PLEKHH2: variants seen among roughly 807,000 people sequenced by gnomAD.
The protein encoded by PLEKHH2 is pleckstrin homology domain-containing family H member 2.
In PLEKHH2, 129 loss-of-function variants were observed where a neutral mutation model predicts 187.9. That is an observed-to-expected ratio of 0.69 (90% confidence interval 0.59 to 0.79). The LOEUF (loss-of-function observed/expected upper bound fraction) is 0.79, where lower values mean the gene tolerates loss of function less well. PLEKHH2 is among the 30% of genes least tolerant of loss of function. The pLI is 0.00. For synonymous variants in PLEKHH2, 686 were observed against 605.6 expected (o/e 1.13, Z -1.95); for missense variants, 2,076 against 1,751.2 (o/e 1.19, Z -3.31).
At chr2:43,733,338 G>C (rs957179469) in intron 19 of PLEKHH2, among the ~76,000 whole-genome samples, 9 of 147,074 alleles carry the variant, frequency 6.1e-5, no homozygotes, top group Admixed American at 2.7e-4. Context: ...ACTCCATCCT[G>C]GGCAACAGAG....
intron 28 of PLEKHH2, among the ~76,000 whole-genome samples, chr2:43,763,033 A>G (rs1173300976): frequency 4.6e-5 from 7 of 152,194 alleles, no homozygotes; most frequent in Non-Finnish European, 1.0e-4. Context: ...AATTTTCTGG[A>G]AACCAAACTA....
At chr2:43,731,706 C>G in intron 19 of PLEKHH2, 104 bp downstream of exon 19, 1 of 720,782 alleles carries the variant, frequency 1.4e-6, no homozygotes, top group Non-Finnish European at 2.2e-6. Flanking sequence ...CAAAATTTTA[C>G]TCCAAGAAAA....
At chr2:43,722,003 G>A (rs528679480) in intron 16 of PLEKHH2, among the ~76,000 whole-genome samples, 2 of 151,952 alleles carry the variant, frequency 1.3e-5, no homozygotes, top group South Asian at 4.2e-4. Context: ...TAACTCATCA[G>A]TCAGGAAAAC....
chr2:43,752,230 C>T (rs1672038711), intron 24 of PLEKHH2, among the ~76,000 whole-genome samples: 1 of 152,154 alleles, frequency 6.6e-6, no homozygotes, highest in African/African-American at 2.4e-5. Context: ...TTTCATACGG[C>T]TTTGCTGATA....
chr2:43,747,581 C>T (rs1173774741), intron 24 of PLEKHH2, among the ~76,000 whole-genome samples: 1 of 152,188 alleles, frequency 6.6e-6, no homozygotes, highest in Non-Finnish European at 1.5e-5. Context: ...TAGTCAGGAA[C>T]CAGATTTCCT....
chr2:43,697,458 G>T, intron 7 of PLEKHH2, 102 bp downstream of exon 7: 1 of 970,518 alleles, frequency 1.0e-6, no homozygotes, highest in South Asian at 2.2e-5. Context: ...ATTTTTTTCT[G>T]ACAATTTGAT....
intron 2 of PLEKHH2, among the ~76,000 whole-genome samples, chr2:43,654,710 C>T (rs1026422614): frequency 1.1e-4 from 15 of 131,892 alleles, no homozygotes; most frequent in African/African-American, 3.1e-4. Flanking sequence ...AGACACCCCC[C>T]CCCCCCGCAT....
At chr2:43,719,456 T>G (rs538561247) in intron 15 of PLEKHH2, among the ~76,000 whole-genome samples, 87 of 152,328 alleles carry the variant, frequency 5.7e-4, no homozygotes, top group Middle Eastern at 6.8e-3. Context: ...CTTTTTTGTT[T>G]TTGAGACGGA....
intron 9 of PLEKHH2, among the ~76,000 whole-genome samples, chr2:43,705,098 C>T (rs930498721): frequency 6.6e-6 from 1 of 152,012 alleles, no homozygotes; most frequent in Non-Finnish European, 1.5e-5. Flanking sequence ...TAAAACCAAA[C>T]AACAAGAACT....
chr2:43,729,845 T>A (rs972537820), intron 18 of PLEKHH2, 100 bp downstream of exon 18: 48 of 683,062 alleles, frequency 7.0e-5, no homozygotes, highest in African/African-American at 5.2e-4. Flanking sequence ...CCTGTTTCCC[T>A]GAAATATACC....
At chr2:43,710,418 A>G (rs1397762621) in intron 13 of PLEKHH2, 71 bp from the exon 14 acceptor site, 16 of 1,586,968 alleles carry the variant, frequency 1.0e-5, no homozygotes, top group Non-Finnish European at 1.4e-5. Flanking sequence ...AATGCAAGTA[A>G]TGATACAAAG....
intron 1 of PLEKHH2, among the ~76,000 whole-genome samples, chr2:43,641,046 G>A (rs2104315457): frequency 6.6e-6 from 1 of 151,124 alleles, no homozygotes; most frequent in Non-Finnish European, 1.5e-5. Flanking sequence ...AACCGCCTCG[G>A]CCTCCCAGAG....
In PLEKHH2 at chr2:43,691,462, T is replaced by C. The variant is rs376580675; in HGVS notation, c.187-1052T>C. ...GGGCATGATAGTTTAGAAAACCAAT[T>C]AGGAAAGGGTAGGTATATGTAAAAT... On this transcript the variant is annotated intron_variant, in intron 3 of 29. Transcript: ENST00000282406. 2.0e-4 allele frequency among the ~76,000 whole-genome samples: 30 copies of C among 152,118 alleles called. No homozygotes were observed. In the South Asian group the frequency reaches 5.8e-3, roughly 30 times the overall value.
At chr2:43,751,969 A>G (rs1357471560) in intron 24 of PLEKHH2, among the ~76,000 whole-genome samples, 1 of 143,386 alleles carries the variant, frequency 7.0e-6, no homozygotes, top group African/African-American at 2.7e-5. Context: ...TTCCCCTGTC[A>G]GGCTCAATTG....
intron 2 of PLEKHH2, among the ~76,000 whole-genome samples, chr2:43,667,439 A>T (rs1667271413): frequency 6.6e-6 from 1 of 152,240 alleles, no homozygotes. Flanking sequence ...ACTCCTAAAT[A>T]GATACCTAAG....
At chr2:43,708,964 A>T (rs1414673043) in intron 11 of PLEKHH2, among the ~76,000 whole-genome samples, 1 of 152,224 alleles carries the variant, frequency 6.6e-6, no homozygotes, top group Non-Finnish European at 1.5e-5. Flanking sequence ...ATGTCCCTTA[A>T]ATGTTAATAC....
chr2:43,647,624 G>A (rs1036995346), intron 2 of PLEKHH2, among the ~76,000 whole-genome samples: 1 of 152,044 alleles, frequency 6.6e-6, no homozygotes. Context: ...CAAACCGTAT[G>A]GCATTGCTTC....
At chr2:43,682,939 T>TGC (rs1668280838) in intron 3 of PLEKHH2, among the ~76,000 whole-genome samples, 1 of 149,746 alleles carries the variant, frequency 6.7e-6, no homozygotes, top group Non-Finnish European at 1.5e-5. Flanking sequence ...GTTCCATATA[T>TGC]ACACACACAC....
At chr2:43,705,251 CTTTTTTTTTTT>C (rs5830767) in intron 9 of PLEKHH2, among the ~76,000 whole-genome samples, 1 of 95,868 alleles carries the variant, frequency 1.0e-5, no homozygotes, top group Non-Finnish European at 1.9e-5. Context: ...AAATTTTATC[CTTTTTTTTTTT>C]TTTTTTTTTT....
Sources: allele counts gnomAD v4.1 joint callset (sites outside exome capture counted in the v4.1 genomes callset), GRCh38; gene constraint gnomAD v4.1.1; transcripts MANE v1.5; gene names NCBI Gene and HGNC (gene_info 2026-07-23, HGNC 2026-07-21).